Variants in TMTC1 observed in about 807,000 individuals in gnomAD.
TMTC1 encodes the protein transmembrane O-mannosyltransferase targeting cadherins 1.
Under a neutral mutation model 104.8 loss-of-function variants are expected in TMTC1, and 73 were observed. That is an observed-to-expected ratio of 0.70 (90% CI 0.58 to 0.85). TMTC1 has a LOEUF of 0.85. TMTC1 is among the 40% of genes least tolerant of loss of function. The probability of loss-of-function intolerance (pLI) is 0.00; values close to 1 mark genes in which losing one functional copy is unlikely to be tolerated. For missense variants in TMTC1, 1,035 were observed against 1,096.1 expected (o/e 0.94, Z 0.79); for synonymous variants, 434 against 428.7 (o/e 1.01, Z -0.15).
At chr12:29,637,507 T>C (rs542353832) in intron 5 of TMTC1, among the ~76,000 whole-genome samples, 2 of 152,288 alleles carry the variant, frequency 1.3e-5, no homozygotes, top group South Asian at 2.1e-4. Context: ...AATTTAGTCA[T>C]GCATTTTCAT....
intron 5 of TMTC1, chr12:29,640,513 A>C (rs1194739060): frequency 6.6e-6 from 1 of 152,238 alleles, no homozygotes; most frequent in Non-Finnish European, 1.5e-5. Flanking sequence ...GTCCCCCACA[A>C]CTGGAGAAGC....
chr12:29,749,196 T>A (rs1219704508), intron 5 of TMTC1, among the ~76,000 whole-genome samples: 1 of 151,806 alleles, frequency 6.6e-6, no homozygotes, highest in African/African-American at 2.4e-5. Flanking sequence ...TGCTCCAGCA[T>A]CATTCATCTC....
intron 2 of TMTC1, among the ~76,000 whole-genome samples, chr12:29,761,486 A>G (rs979035477): frequency 2.0e-5 from 3 of 152,080 alleles, no homozygotes; most frequent in African/African-American, 7.2e-5. Context: ...CAAATAATGC[A>G]TTACTTCAGA....
At chr12:29,682,409 C>T (rs1428693980) in intron 5 of TMTC1, among the ~76,000 whole-genome samples, 1 of 152,036 alleles carries the variant, frequency 6.6e-6, no homozygotes, top group East Asian at 1.9e-4. Context: ...ATAAAAAATG[C>T]CCACACAAAA....
intron 6 of TMTC1, among the ~76,000 whole-genome samples, chr12:29,632,845 G>A (rs1938364818): frequency 6.6e-6 from 1 of 152,094 alleles, no homozygotes; most frequent in East Asian, 1.9e-4. Context: ...TTATAAATAG[G>A]TTATTTACCA....
chr12:29,699,450 G>T (rs1428634851), intron 5 of TMTC1, among the ~76,000 whole-genome samples: 1 of 152,146 alleles, frequency 6.6e-6, no homozygotes, highest in African/African-American at 2.4e-5. Context: ...AAAGTGCCAT[G>T]AAGGCACAAA....
In TMTC1 at chr12:29,644,111, ATGTGTGTGTG is replaced by A. The variant is rs371107912; in HGVS notation, c.939-10785_939-10776del. Among the ~76,000 whole-genome samples, 88 of 74,436 alleles carry A rather than the reference ATGTGTGTGTG, an allele frequency of 1.2e-3. 3 individuals are homozygous for A. Among genetic ancestry groups the A allele is most frequent in the African/African-American group, 4.6e-3 (78 of 16,936 alleles). The allele number at this position is 74,436 out of a possible 152,430, so 48.8% of individuals were successfully genotyped here. On this transcript the variant is annotated intron_variant, in intron 5 of 17. Coordinates refer to ENST00000539277, the MANE Select transcript of TMTC1 (RefSeq NM_001193451.2). ...TATAAATATAAATATATAAATATATATGTGTGTGTGTGTGTGTGTGTGTGTGTGTGTGTGT... is the reference window on the plus strand; with the variant it reads ...TATAAATATAAATATATAAATATATATGTGTGTGTGTGTGTGTGTGTGTGT...
chr12:29,774,091 C>T (rs774485698), intron 1 of TMTC1, among the ~76,000 whole-genome samples: 1 of 152,068 alleles, frequency 6.6e-6, no homozygotes, highest in African/African-American at 2.4e-5. Flanking sequence ...TCTCAATAAG[C>T]CTTTGCGTTC....
chr12:29,763,649 C>T (rs185994465), intron 2 of TMTC1, among the ~76,000 whole-genome samples: 44 of 152,248 alleles, frequency 2.9e-4, no homozygotes, highest in Admixed American at 1.3e-3. Context: ...CAAGAGAAGA[C>T]TGAAGAGATT....
chr12:29,583,666 G>A, intron 7 of TMTC1, 92 bp from the exon 8 acceptor site: 1 of 1,219,416 alleles, frequency 8.2e-7, no homozygotes, highest in Non-Finnish European at 1.1e-6. Flanking sequence ...TTCAAATGAA[G>A]CTTGTCCTGT....
At chr12:29,628,261 AT>A (rs1199869796) in intron 6 of TMTC1, among the ~76,000 whole-genome samples, 3 of 152,176 alleles carry the variant, frequency 2.0e-5, no homozygotes, top group African/African-American at 7.2e-5. Flanking sequence ...CTGCCCCTAC[AT>A]TACATACAAT....
intron 5 of TMTC1, among the ~76,000 whole-genome samples, chr12:29,711,367 A>C (rs1158516457): frequency 6.6e-6 from 1 of 152,212 alleles, no homozygotes; most frequent in Non-Finnish European, 1.5e-5. Context: ...ATAAGGGATT[A>C]TTAAAGTAAA....
intron 3 of TMTC1, 117 bp from the exon 4 acceptor site, chr12:29,756,002 G>A: frequency 9.3e-7 from 1 of 1,075,000 alleles, no homozygotes; most frequent in African/African-American, 1.6e-5. Flanking sequence ...TAATTAAGCA[G>A]GTAAGTAGAG....
intron 7 of TMTC1, among the ~76,000 whole-genome samples, chr12:29,586,983 T>A (rs1040850109): frequency 6.6e-6 from 1 of 152,168 alleles, no homozygotes; most frequent in East Asian, 1.9e-4. Flanking sequence ...TCTTTTTCTA[T>A]TGATTGGAAT....
chr12:29,606,975 C>G (rs899496732), intron 6 of TMTC1, among the ~76,000 whole-genome samples: 5 of 53,244 alleles, frequency 9.4e-5, no homozygotes, highest in Admixed American at 4.9e-4. Flanking sequence ...ACCTTCCTGC[C>G]CCCCCCCCTC....
chr12:29,734,819 T>G (rs1362177801), intron 5 of TMTC1, among the ~76,000 whole-genome samples: 1 of 152,202 alleles, frequency 6.6e-6, no homozygotes, highest in African/African-American at 2.4e-5. Context: ...CATGACTCCT[T>G]CGGCTTCAAG....
chr12:29,644,894 C>T (rs1421956409), intron 5 of TMTC1, among the ~76,000 whole-genome samples: 3 of 152,116 alleles, frequency 2.0e-5, no homozygotes, highest in Non-Finnish European at 4.4e-5. Context: ...CCTCTGGATC[C>T]TTCAGGTCCC....
chr12:29,630,456 C>T (rs1938239739), intron 6 of TMTC1, among the ~76,000 whole-genome samples: 1 of 152,118 alleles, frequency 6.6e-6, no homozygotes, highest in Non-Finnish European at 1.5e-5. Flanking sequence ...AATTACCTCT[C>T]ATGGGGTCCC....
chr12:29,705,504 GCAT>G (rs1301631836), intron 5 of TMTC1, among the ~76,000 whole-genome samples: 1 of 152,028 alleles, frequency 6.6e-6, no homozygotes, highest in African/African-American at 2.4e-5. Flanking sequence ...CACTGGAGAC[GCAT>G]CAGTGGAGAG....
Sources: allele counts gnomAD v4.1 joint callset (sites outside exome capture counted in the v4.1 genomes callset), GRCh38; gene constraint gnomAD v4.1.1; transcripts MANE v1.5; gene names NCBI Gene and HGNC (gene_info 2026-07-23, HGNC 2026-07-21).